The following STIM1 variants were observed in gnomAD, a reference collection of about 807,000 sequenced individuals.
The protein encoded by STIM1 is stromal interaction molecule 1.
STIM1 carries 25 observed loss-of-function variants against 74.7 expected under a neutral mutation model. The observed-to-expected ratio is 0.33, with a 90% CI of 0.24 to 0.47. The LOEUF (loss-of-function observed/expected upper bound fraction) is 0.47. Ranked by LOEUF, STIM1 falls within the 20% of genes least tolerant of loss-of-function variation. The pLI is 1.00. For missense variants in STIM1, 728 were observed against 920.8 expected, an observed-to-expected ratio of 0.79 and a Z score of 2.71; for synonymous variants, 328 against 348.8, an observed-to-expected ratio of 0.94 and a Z score of 0.66.
chr11:4,019,931 A>G (rs1043814480), intron 2 of STIM1, among the ~76,000 whole-genome samples: 2 of 152,034 alleles, frequency 1.3e-5, no homozygotes. Flanking sequence ...CCCACTGACC[A>G]ATCTCTCCCC....
At chr11:4,013,039 A>G (rs935415243) in intron 2 of STIM1, among the ~76,000 whole-genome samples, 5 of 152,116 alleles carry the variant, frequency 3.3e-5, no homozygotes, top group African/African-American at 1.2e-4. Context: ...ATTGATCTGC[A>G]TATGTTGAAC....
chr11:4,063,681 G>T (rs1459680096), intron 5 of STIM1, among the ~76,000 whole-genome samples: 1 of 152,108 alleles, frequency 6.6e-6, no homozygotes, highest in East Asian at 1.9e-4. Flanking sequence ...AGCTTTTTTT[G>T]TAGCTCCTGG....
At chr11:4,081,727 A>G (rs2094466532) in intron 7 of STIM1, among the ~76,000 whole-genome samples, 1 of 152,238 alleles carries the variant, frequency 6.6e-6, no homozygotes, top group Admixed American at 6.5e-5. Context: ...ACAGGGTCAC[A>G]CAACCAGTTA....
chr11:3,952,874 A>G lies in STIM1; in HGVS notation c.140-14678A>G, dbSNP rs142908872. ...CTGTCTACCAGGAGTCTGAAGCCCTATGGGAAACCAAGGAGTGGGCAAAGG... is the reference window on the plus strand; with the variant it reads ...CTGTCTACCAGGAGTCTGAAGCCCTGTGGGAAACCAAGGAGTGGGCAAAGG... On this transcript the variant is annotated intron_variant, in intron 1 of 12. Coordinates refer to ENST00000526596, the MANE Select transcript of STIM1 (RefSeq NM_001382567.1). 2.1e-3 allele frequency among the ~76,000 whole-genome samples: 323 copies of G among 152,336 alleles called. 3 individuals are homozygous for G. The highest frequency in any genetic ancestry group is 6.7e-3 in the African/African-American group (278 of 41,590).
intron 3 of STIM1, among the ~76,000 whole-genome samples, chr11:4,029,209 A>G (rs1387279572): frequency 2.0e-5 from 3 of 152,020 alleles, no homozygotes; most frequent in South Asian, 2.1e-4. Context: ...ATAAATAAAT[A>G]AATAAAATAA....
chr11:3,957,724 T>TA (rs573457780), intron 1 of STIM1, among the ~76,000 whole-genome samples: 2 of 152,072 alleles, frequency 1.3e-5, no homozygotes, highest in Admixed American at 6.6e-5. Flanking sequence ...CTGGGCTAAT[T>TA]AAAAATTTTT....
intron 2 of STIM1, among the ~76,000 whole-genome samples, chr11:4,006,175 G>C (rs1210178105): frequency 6.6e-6 from 1 of 152,136 alleles, no homozygotes; most frequent in Non-Finnish European, 1.5e-5. Context: ...TAGTGAGTGA[G>C]TTCTCATGAG....
intron 1 of STIM1, among the ~76,000 whole-genome samples, chr11:3,880,051 C>T (rs536735542): frequency 1.3e-5 from 2 of 152,280 alleles, no homozygotes; most frequent in Admixed American, 6.5e-5. Flanking sequence ...GTGCTGGGCA[C>T]TTTTGTGTTG....
intron 2 of STIM1, among the ~76,000 whole-genome samples, chr11:4,018,197 C>T (rs561809438): frequency 2.3e-4 from 35 of 151,896 alleles, no homozygotes; most frequent in African/African-American, 8.2e-4. Context: ...CGCCTGTAAT[C>T]CCAGCACTTT....
At chr11:3,912,983 T>A (rs911250280) in intron 1 of STIM1, among the ~76,000 whole-genome samples, 4 of 152,202 alleles carry the variant, frequency 2.6e-5, no homozygotes, top group African/African-American at 9.6e-5. Flanking sequence ...CTACAGCACC[T>A]TTTTTGGTCC....
At chr11:3,972,972 A>T (rs2093411096) in intron 2 of STIM1, 1 of 511,788 alleles carries the variant, frequency 2.0e-6, no homozygotes, top group Admixed American at 2.0e-5. Flanking sequence ...AGCTTCCACC[A>T]CCTCCAAAAT....
intron 6 of STIM1, among the ~76,000 whole-genome samples, chr11:4,073,059 T>TTTTG (rs2133177262): frequency 6.7e-6 from 1 of 149,922 alleles, no homozygotes; most frequent in East Asian, 2.0e-4. Context: ...TTTTTTTTTT[T>TTTTG]TTTTTTTTTT....
At chr11:4,051,952 T>C (rs1264622073) in intron 3 of STIM1, among the ~76,000 whole-genome samples, 2 of 152,202 alleles carry the variant, frequency 1.3e-5, no homozygotes, top group Non-Finnish European at 2.9e-5. Flanking sequence ...AGCATTCCTA[T>C]ACATCAAGAA....
chr11:3,912,074 T>C (rs1000765599), intron 1 of STIM1, among the ~76,000 whole-genome samples: 1 of 151,916 alleles, frequency 6.6e-6, no homozygotes, highest in Non-Finnish European at 1.5e-5. Context: ...ATAGGGGGCA[T>C]CTATCCATAA....
intron 7 of STIM1, among the ~76,000 whole-genome samples, chr11:4,078,913 A>G (rs1433016984): frequency 6.6e-6 from 1 of 152,120 alleles, no homozygotes; most frequent in African/African-American, 2.4e-5. Context: ...CTCAAAGAAC[A>G]TTTTGATAGG....
chr11:3,940,641 C>G (rs1201708979), intron 1 of STIM1, among the ~76,000 whole-genome samples: 3 of 152,076 alleles, frequency 2.0e-5, no homozygotes, highest in African/African-American at 7.2e-5. Context: ...CTGACTGCCT[C>G]CCCTACGACC....
rs2094468383 is a variant in STIM1, at chr11:4,082,102, A to T, written c.970-82A>T. ...TGGGAGAGTTGTAAAGCAGATAAGA[A>T]GTCTGAGTTCTGAAGCATCATACAG... On this transcript the variant is annotated intron_variant, in intron 7 of 12. Transcript: ENST00000526596. 5.8e-6 allele frequency: 8 copies of T among 1,390,810 alleles called. No homozygotes were observed. In the South Asian group the frequency reaches 9.3e-5, roughly 16 times the overall value. 86.2% of individuals were successfully genotyped at this position (1,390,810 alleles called of 1,614,324 possible).
intron 1 of STIM1, among the ~76,000 whole-genome samples, chr11:3,957,786 G>C (rs543860129): frequency 6.6e-6 from 1 of 152,068 alleles, no homozygotes; most frequent in Non-Finnish European, 1.5e-5. Flanking sequence ...GGCTGATTTT[G>C]AACTCTTGGC....
At chr11:3,991,950 C>CAAAAAAAAAAAAAAAAAAAAAAAA (rs1230185435) in intron 2 of STIM1, among the ~76,000 whole-genome samples, 2 of 36,700 alleles carry the variant, frequency 5.4e-5, no homozygotes, top group East Asian at 1.1e-3. Context: ...AACTCCATCT[C>CAAAAAAAAAAAAAAAAAAAAAAAA]AAAAAAAAAA....
Sources: gnomAD v4.1 joint callset for allele counts (sites outside exome capture counted in the v4.1 genomes callset) on GRCh38, gnomAD v4.1.1 for gene constraint, MANE v1.5 for transcripts, NCBI Gene and HGNC (gene_info 2026-07-23, HGNC 2026-07-21) for gene names.